Variants in COMMD6 observed in about 807,000 individuals in gnomAD.
COMMD6 encodes the protein COMM domain containing 6.
A neutral mutation model predicts 13.4 loss-of-function variants in COMMD6; 11 were observed. The ratio of observed to expected loss-of-function variants is 0.82; its 90% CI spans 0.52 to 1.36. The LOEUF (loss-of-function observed/expected upper bound fraction) is 1.36. Ranked by LOEUF, COMMD6 falls within the 40% of genes most tolerant of loss-of-function variation. The pLI is 0.00. For missense variants in COMMD6, 124 were observed against 102.4 expected, an observed-to-expected ratio of 1.21 and a Z score of -0.91; for synonymous variants, 43 against 36.5, an observed-to-expected ratio of 1.18 and a Z score of -0.64.
upstream of COMMD6, among the ~76,000 whole-genome samples, chr13:75,540,915 G>T (rs1197627704): frequency 6.6e-6 from 1 of 152,134 alleles, no homozygotes. Flanking sequence ...CATGAAGCAG[G>T]CAATGCTTCA....
intron 2 of COMMD6, among the ~76,000 whole-genome samples, chr13:75,536,801 CATA>C (rs999921806): frequency 4.6e-5 from 7 of 152,278 alleles, no homozygotes; most frequent in Admixed American, 4.6e-4. Context: ...TTAAAAACCC[CATA>C]ATTAGTATAA....
At chr13:75,529,820 A>G (rs1032972198) in intron 3 of COMMD6, 2 of 240,490 alleles carry the variant, frequency 8.3e-6, no homozygotes, top group Admixed American at 1.1e-4. Context: ...ATTTAAATGC[A>G]AAGTAAATAT....
chr13:75,534,933 G>C (rs1454640534), intron 2 of COMMD6, among the ~76,000 whole-genome samples: 1 of 152,188 alleles, frequency 6.6e-6, no homozygotes, highest in African/African-American at 2.4e-5. Context: ...CTAGGAATTA[G>C]GGATGTAAAA....
intron 3 of COMMD6, among the ~76,000 whole-genome samples, chr13:75,527,622 A>G (rs999604353): frequency 6.6e-6 from 1 of 152,134 alleles, no homozygotes; most frequent in African/African-American, 2.4e-5. Flanking sequence ...GTCTATATGT[A>G]TATACTATGT....
rs1408285529 is a variant in COMMD6 at position 75,532,972 on chromosome 13, T to C, written c.55-2706A>G. Among the ~76,000 whole-genome samples the C allele has an allele frequency of 2.1e-4, 32 of 150,542 alleles. 1 individual carries two copies. In the East Asian group the frequency reaches 2.2e-3, roughly 10 times the overall value. On this transcript the variant is annotated intron_variant, in intron 2 of 3. Transcript: ENST00000682242. ...TTGAGATGGAGTCTCGCTCTGTTGCTCAGGCTGGAGTGCAGTGGCACGATC... is the reference window on the plus strand; with the variant it reads ...TTGAGATGGAGTCTCGCTCTGTTGCCCAGGCTGGAGTGCAGTGGCACGATC...
At position 75,525,854 on chromosome 13, in the gene COMMD6, G is replaced by C. The variant is rs1404417373; in HGVS notation, c.*735C>G. On this transcript the variant is annotated 3_prime_UTR_variant, in exon 4 of 4. Coordinates refer to ENST00000682242, the MANE Select transcript of COMMD6 (RefSeq NM_203495.4). ...TTCTAAACAAATGCCATACAATGTG[G>C]TGGCTTTATAGTATAAAAGCGTTTA... The C allele has an allele frequency of 2.6e-5, 4 of 152,172 alleles. No individual in the cohort carries two copies. The South Asian group carries it at 6.2e-4, about 24-fold the overall frequency. 9.4% of individuals were successfully genotyped at this position (152,172 alleles called of 1,614,324 possible). A position where few individuals can be genotyped will look rare whatever the true frequency, so the allele number is the denominator to read the frequency against.
intron 1 of COMMD6, 37 bp downstream of exon 1, chr13:75,537,727 G>A: frequency 6.2e-7 from 1 of 1,613,998 alleles, no homozygotes; most frequent in Non-Finnish European, 8.5e-7. Context: ...TTGCTCCAGA[G>A]CCTCGCTGCC....
At chr13:75,527,510 T>G (rs2030302935) in intron 3 of COMMD6, among the ~76,000 whole-genome samples, 1 of 152,216 alleles carries the variant, frequency 6.6e-6, no homozygotes, top group Non-Finnish European at 1.5e-5. Flanking sequence ...TAACAGGCTA[T>G]CTCGTGGTTA....
At chr13:75,542,528 A>G (rs1186028794), upstream of COMMD6, among the ~76,000 whole-genome samples, 1 of 152,114 alleles carries the variant, frequency 6.6e-6, no homozygotes, top group Non-Finnish European at 1.5e-5. Flanking sequence ...ACCTCAGGTG[A>G]TCCACCTACC....
At chr13:75,526,840 ATTATC>A (rs2030281409) in intron 3 of COMMD6, among the ~76,000 whole-genome samples, 1 of 152,206 alleles carries the variant, frequency 6.6e-6, no homozygotes. Context: ...GGGTTGGATA[ATTATC>A]TTATGACTAA....
intron 2 of COMMD6, among the ~76,000 whole-genome samples, chr13:75,533,233 A>G (rs1010974019): frequency 3.3e-5 from 5 of 151,572 alleles, no homozygotes; most frequent in Admixed American, 2.6e-4. Context: ...CACCCGGCCG[A>G]AAGTTTTTCA....
At chr13:75,537,312 G>A in intron 2 of COMMD6, 2 of 1,547,180 alleles carry the variant, frequency 1.3e-6, no homozygotes, top group South Asian at 1.2e-5. Context: ...ATAACTTAGA[G>A]ACTAAGAAAA....
chr13:75,537,329 C>T (rs1310615128), intron 2 of COMMD6: 2 of 1,548,908 alleles, frequency 1.3e-6, no homozygotes, highest in Non-Finnish European at 1.7e-6. Flanking sequence ...AAAATGTTTG[C>T]GGTGCTATCT....
intron 1 of COMMD6, among the ~76,000 whole-genome samples, chr13:75,545,729 C>G (rs778605121): frequency 6.6e-6 from 1 of 152,064 alleles, no homozygotes; most frequent in Non-Finnish European, 1.5e-5. Flanking sequence ...CCTCGGCCTC[C>G]CTGAATGTTG....
chr13:75,548,835 A>T (rs1388173620), intron 1 of COMMD6, among the ~76,000 whole-genome samples: 3 of 152,176 alleles, frequency 2.0e-5, no homozygotes, highest in Non-Finnish European at 4.4e-5. Context: ...CCTGCTTAAG[A>T]TCCTTCAGTG....
chr13:75,540,924 C>T (rs1029782629), upstream of COMMD6, among the ~76,000 whole-genome samples: 1 of 152,104 alleles, frequency 6.6e-6, no homozygotes. Context: ...GGCAATGCTT[C>T]AATTTAAGTA....
At chr13:75,544,955 CTT>C (rs1423717496) in intron 1 of COMMD6, among the ~76,000 whole-genome samples, 2 of 101,314 alleles carry the variant, frequency 2.0e-5, no homozygotes, top group Non-Finnish European at 2.4e-5. Flanking sequence ...AAAAACAAGA[CTT>C]AAGTAGGTAA....
At chr13:75,527,326 T>C (rs2030298062) in intron 3 of COMMD6, among the ~76,000 whole-genome samples, 1 of 152,224 alleles carries the variant, frequency 6.6e-6, no homozygotes, top group Non-Finnish European at 1.5e-5. Flanking sequence ...TTTTCTATTT[T>C]GCTACTTAAG....
chr13:75,544,766 A>C (rs2030877386), intron 1 of COMMD6, among the ~76,000 whole-genome samples: 1 of 151,708 alleles, frequency 6.6e-6, no homozygotes, highest in African/African-American at 2.4e-5. Context: ...CTCAGAAATA[A>C]AATAAAATAA....
Sources: allele counts gnomAD v4.1 joint callset (sites outside exome capture counted in the v4.1 genomes callset), GRCh38; gene constraint gnomAD v4.1.1; transcripts MANE v1.5; gene names NCBI Gene and HGNC (gene_info 2026-07-23, HGNC 2026-07-21).